The following NAALADL2 variants were observed in gnomAD, a reference collection of about 807,000 sequenced individuals.
NAALADL2 encodes inactive N-acetylated-alpha-linked acidic dipeptidase-like protein 2.
A neutral mutation model predicts 87.2 loss-of-function variants in NAALADL2; 76 were observed. That is an observed-to-expected ratio of 0.87 (90% confidence interval 0.72 to 1.05). The LOEUF (loss-of-function observed/expected upper bound fraction) is 1.05, where lower values mean the gene tolerates loss of function less well. Among genes scored for constraint, NAALADL2 ranks in the 50% least tolerant of loss-of-function variants. The pLI is 0.00. For synonymous variants in NAALADL2, 354 were observed against 331.0 expected, an observed-to-expected ratio of 1.07 and a Z score of -0.75; for missense variants, 1,089 against 945.8, an observed-to-expected ratio of 1.15 and a Z score of -1.99.
chr3:175,375,541 C>T (rs1015103044), intron 5 of NAALADL2, among the ~76,000 whole-genome samples: 1 of 152,044 alleles, frequency 6.6e-6, no homozygotes, highest in Non-Finnish European at 1.5e-5. Flanking sequence ...TAATTGAACT[C>T]TTTATTATTC....
intron 1 of NAALADL2, among the ~76,000 whole-genome samples, chr3:175,087,387 C>T (rs9850209): frequency 0.12 from 18,269 of 151,960 alleles, 1,146 homozygotes; most frequent in African/African-American, 0.18. Context: ...TCTGCCCGGC[C>T]GCCACCCCGT....
intron 9 of NAALADL2, among the ~76,000 whole-genome samples, chr3:175,535,189 T>C (rs1300487642): frequency 1.3e-5 from 2 of 152,222 alleles, no homozygotes; most frequent in African/African-American, 4.8e-5. Flanking sequence ...CCATATTTTC[T>C]CCTAATATGT....
chr3:175,193,349 T>C (rs1738490511), intron 2 of NAALADL2, among the ~76,000 whole-genome samples: 2 of 151,900 alleles, frequency 1.3e-5, no homozygotes, highest in Admixed American at 1.3e-4. Flanking sequence ...TTAGAGGGTT[T>C]ATCTCAAGGA....
At chr3:175,512,844 T>C (rs76047223) in intron 9 of NAALADL2, among the ~76,000 whole-genome samples, 3,922 of 152,280 alleles carry the variant, frequency 0.026, 168 homozygotes, top group African/African-American at 0.088. Flanking sequence ...AAGCAAACAA[T>C]TTGCCTTTGT....
chr3:175,082,558 G>A (rs1014194597), intron 1 of NAALADL2, among the ~76,000 whole-genome samples: 1 of 152,154 alleles, frequency 6.6e-6, no homozygotes, highest in Non-Finnish European at 1.5e-5. Context: ...AAGGCAGACA[G>A]GGAGAAGCAC....
At chr3:175,680,857 G>A (rs1735493528) in intron 11 of NAALADL2, among the ~76,000 whole-genome samples, 1 of 152,204 alleles carries the variant, frequency 6.6e-6, no homozygotes, top group Non-Finnish European at 1.5e-5. Context: ...GCTCACGCCT[G>A]TAATCCAAGC....
rs551086547 is a variant in NAALADL2 at position 175,236,591 on chromosome 3, A to G, written c.819+2387A>G. On this transcript the variant is annotated intron_variant, in intron 3 of 13. Coordinates refer to ENST00000454872, the MANE Select transcript of NAALADL2 (RefSeq NM_207015.3). ...AAGAAGAAAAAGCGGGGGTGGGTAT[A>G]TTAACAGATATTGTATACTTCTAAT... Among the ~76,000 whole-genome samples the G allele has an allele frequency of 2.6e-5, 4 of 151,370 alleles. No homozygotes were observed. The South Asian group carries it at 6.2e-4, about 24-fold the overall frequency.
rs1160804071 is a variant in NAALADL2, at chr3:175,490,240, T to C, written c.1653+18482T>C. On this transcript the variant is annotated intron_variant, in intron 9 of 13. Transcript: ENST00000454872. ...GATAGGTCAGAGAGACAGAGAGGTATTAAGTCCTTGATGATAACCTTTAAG... is the reference window on the plus strand; with the variant it reads ...GATAGGTCAGAGAGACAGAGAGGTACTAAGTCCTTGATGATAACCTTTAAG... Among the ~76,000 whole-genome samples, 4 of 151,226 alleles carry C rather than the reference T, an allele frequency of 2.6e-5. No individual in the cohort carries two copies. In the East Asian group the frequency reaches 7.7e-4, roughly 29 times the overall value.
At chr3:174,504,927 C>T (rs1719110876) in intron 1 of NAALADL2, among the ~76,000 whole-genome samples, 1 of 152,214 alleles carries the variant, frequency 6.6e-6, no homozygotes, top group Middle Eastern at 3.4e-3. Context: ...CATACTATCT[C>T]ATGAAGGCAT....
chr3:175,166,972 A>C (rs1172886731), intron 2 of NAALADL2, among the ~76,000 whole-genome samples: 1 of 152,042 alleles, frequency 6.6e-6, no homozygotes, highest in African/African-American at 2.4e-5. Flanking sequence ...ATTCTCCTAA[A>C]TGTGGCCTGA....
At chr3:175,214,194 C>T (rs1742170508) in intron 2 of NAALADL2, among the ~76,000 whole-genome samples, 1 of 152,094 alleles carries the variant, frequency 6.6e-6, no homozygotes, top group Admixed American at 6.6e-5. Context: ...TACATGACAG[C>T]ATTTTTACCT....
intron 4 of NAALADL2, among the ~76,000 whole-genome samples, chr3:175,322,784 T>A (rs1485270641): frequency 6.8e-6 from 1 of 147,536 alleles, no homozygotes; most frequent in Non-Finnish European, 1.5e-5. Context: ...AAAACCACTA[T>A]GAGATACCAT....
rs533569626 is a variant in NAALADL2 at position 175,580,144 on chromosome 3, G to T, written c.1800+3957G>T. 3.3e-5 allele frequency among the ~76,000 whole-genome samples: 5 copies of T among 152,094 alleles called. No individual in the cohort carries two copies. In the East Asian group the frequency reaches 9.6e-4, roughly 29 times the overall value. On this transcript the variant is annotated intron_variant, in intron 10 of 13. Coordinates refer to ENST00000454872, the MANE Select transcript of NAALADL2 (RefSeq NM_207015.3). ...AGGGACAGAAATTCAAGTACCGTAG[G>T]TATTTTGAAACTCTTACTAAATTTT...
At chr3:174,945,910 G>C (rs1739336959) in intron 1 of NAALADL2, among the ~76,000 whole-genome samples, 2 of 151,896 alleles carry the variant, frequency 1.3e-5, no homozygotes, top group South Asian at 4.2e-4. Context: ...GCCAGGTGTG[G>C]TGGCATGCAC....
At chr3:175,771,386 A>G (rs921737365) in intron 13 of NAALADL2, among the ~76,000 whole-genome samples, 1 of 152,190 alleles carries the variant, frequency 6.6e-6, no homozygotes, top group African/African-American at 2.4e-5. Context: ...TTTAGTATCT[A>G]TTATGTAAAA....
At chr3:174,755,506 A>T (rs1711924606) in intron 3 of NAALADL2, among the ~76,000 whole-genome samples, 1 of 152,162 alleles carries the variant, frequency 6.6e-6, no homozygotes, top group South Asian at 2.1e-4. Context: ...AATAATAAAT[A>T]TACTCTTTAA....
intron 1 of NAALADL2, among the ~76,000 whole-genome samples, chr3:174,995,856 T>C (rs1345765960): frequency 1.3e-5 from 2 of 151,758 alleles, no homozygotes; most frequent in African/African-American, 4.8e-5. Flanking sequence ...ACACCCTCCC[T>C]CTGGATTGAG....
At chr3:175,267,060 T>C (rs1286026593) in intron 4 of NAALADL2, among the ~76,000 whole-genome samples, 5 of 151,688 alleles carry the variant, frequency 3.3e-5, no homozygotes, top group Non-Finnish European at 7.4e-5. Flanking sequence ...TGCTAATTGA[T>C]CAATTAAAAT....
chr3:174,920,778 A>T (rs1452276089), intron 1 of NAALADL2, among the ~76,000 whole-genome samples: 2 of 152,190 alleles, frequency 1.3e-5, no homozygotes, highest in Non-Finnish European at 2.9e-5. Context: ...AAGTTTAATC[A>T]TCTGTAGCTT....
Sources: gnomAD v4.1 joint callset for allele counts (sites outside exome capture counted in the v4.1 genomes callset) on GRCh38, gnomAD v4.1.1 for gene constraint, MANE v1.5 for transcripts, NCBI Gene and HGNC (gene_info 2026-07-23, HGNC 2026-07-21) for gene names.